IL2RB: variants seen among roughly 807,000 people sequenced by gnomAD.
The protein encoded by IL2RB is interleukin-2 receptor subunit beta.
IL2RB carries 17 observed loss-of-function variants against 44.2 expected under a neutral mutation model. That is an observed-to-expected ratio of 0.38 (90% CI 0.26 to 0.58). The LOEUF is 0.58. Among genes scored for constraint, IL2RB ranks in the 20% least tolerant of loss-of-function variants. The pLI is 0.63. For synonymous variants in IL2RB, 286 were observed against 297.9 expected (o/e 0.96, Z 0.41); for missense variants, 624 against 685.5 (o/e 0.91, Z 1.00).
upstream of IL2RB, among the ~76,000 whole-genome samples, chr22:37,154,617 C>A (rs1017032567): frequency 6.7e-6 from 1 of 148,190 alleles, no homozygotes; most frequent in East Asian, 1.9e-4. Context: ...TGCTCTGTAG[C>A]CAGGCTGGAG....
At chr22:37,170,114 A>C (rs1201750852) in intron 1 of IL2RB, among the ~76,000 whole-genome samples, 5 of 151,836 alleles carry the variant, frequency 3.3e-5, no homozygotes, top group African/African-American at 1.2e-4. Context: ...GGATGGATGG[A>C]TGGATGGATG....
intron 1 of IL2RB, among the ~76,000 whole-genome samples, chr22:37,161,584 C>A (rs991189427): frequency 8.2e-6 from 1 of 121,492 alleles, no homozygotes; most frequent in African/African-American, 3.0e-5. Context: ...AGCTCCAGAC[C>A]TCAGGCGGGG....
At chr22:37,142,601 G>T in intron 3 of IL2RB, 89 bp from the exon 4 acceptor site, 1 of 1,354,256 alleles carries the variant, frequency 7.4e-7, no homozygotes, top group Non-Finnish European at 1.1e-6. Context: ...CTGCTGCCAG[G>T]ATGGCACCAG....
rs769631940 is a variant in IL2RB, at chr22:37,138,987, G to A, written c.388+130C>T. The A allele has an allele frequency of 7.8e-6, 5 of 644,840 alleles. No homozygotes were observed. The East Asian group carries it at 8.3e-5, about 11-fold the overall frequency. 39.9% of individuals were successfully genotyped at this position (644,840 alleles called of 1,614,324 possible). ...CAGGACGTCATCCCGAGAACAGCGG[G>A]CGGTGAGGTGATCAGATGTGGGTGT... On this transcript the variant is annotated intron_variant, in intron 5 of 9. Coordinates refer to ENST00000216223, the MANE Select transcript of IL2RB (RefSeq NM_000878.5).
intron 1 of IL2RB, among the ~76,000 whole-genome samples, chr22:37,147,650 C>T (rs992848318): frequency 7.9e-5 from 12 of 152,234 alleles, no homozygotes; most frequent in African/African-American, 2.4e-4. Flanking sequence ...TGCTGTCCCA[C>T]CCTGCCAGAC....
At chr22:37,129,420 T>G (rs2146225118) in intron 9 of IL2RB, among the ~76,000 whole-genome samples, 1 of 152,270 alleles carries the variant, frequency 6.6e-6, no homozygotes, top group Admixed American at 6.5e-5. Context: ...GATGGTTTCC[T>G]GATTCACCTT....
upstream of IL2RB, among the ~76,000 whole-genome samples, chr22:37,153,785 C>T (rs910130668): frequency 9.9e-5 from 15 of 152,016 alleles, no homozygotes; most frequent in African/African-American, 3.6e-4. Context: ...TATTTCCTGC[C>T]CCCAAATAAA....
chr22:37,132,620 G>A (rs1425318196), intron 8 of IL2RB, 152 bp from the exon 9 acceptor site: 1 of 637,322 alleles, frequency 1.6e-6, no homozygotes. Context: ...CACTGTGGGA[G>A]GACGCTGTGT....
chr22:37,162,287 T>C (rs1163841476), intron 1 of IL2RB, among the ~76,000 whole-genome samples: 2 of 152,166 alleles, frequency 1.3e-5, no homozygotes, highest in Non-Finnish European at 2.9e-5. Flanking sequence ...CTGGTGCCAG[T>C]GTGAGCATTG....
chr22:37,162,410 C>G (rs763013189), intron 1 of IL2RB, among the ~76,000 whole-genome samples: 1 of 152,164 alleles, frequency 6.6e-6, no homozygotes, highest in East Asian at 1.9e-4. Flanking sequence ...CACAGCCCAC[C>G]GACTTGCTGG....
In IL2RB at chr22:37,143,649, T is replaced by A. The variant is rs752285764; in HGVS notation, c.89-14A>T. 9.5e-6 allele frequency: 15 copies of A among 1,585,248 alleles called. No individual in the cohort carries two copies. The highest frequency in any genetic ancestry group is 1.1e-5 in the Non-Finnish European group (13 of 1,154,234). ...ACTGGGAAGTGCCTGCCGGGCAAGA[T>A]GAGGTGTGAGTGCTGACTGTAGGTG... On this transcript the variant is annotated splice_polypyrimidine_tract_variant and intron_variant, in intron 2 of 9. Transcript: ENST00000216223.
chr22:37,160,705 C>A (rs1165402252), intron 1 of IL2RB, among the ~76,000 whole-genome samples: 1 of 112,630 alleles, frequency 8.9e-6, no homozygotes, highest in African/African-American at 4.4e-5. Flanking sequence ...AAAATTTAGC[C>A]GGGCATGGTG....
At chr22:37,151,637 A>C (rs1922490773), upstream of IL2RB, among the ~76,000 whole-genome samples, 1 of 152,176 alleles carries the variant, frequency 6.6e-6, no homozygotes, top group South Asian at 2.1e-4. Flanking sequence ...ATCTTTGCCT[A>C]GTCCCATGTC....
At chr22:37,166,273 C>G (rs1243127870) in intron 1 of IL2RB, among the ~76,000 whole-genome samples, 1 of 152,220 alleles carries the variant, frequency 6.6e-6, no homozygotes, top group Non-Finnish European at 1.5e-5. Flanking sequence ...TCCCCGCCCC[C>G]CCACCTCCTG....
intron 1 of IL2RB, among the ~76,000 whole-genome samples, chr22:37,174,290 C>G (rs1006845780): frequency 6.6e-6 from 1 of 152,128 alleles, no homozygotes; most frequent in South Asian, 2.1e-4. Flanking sequence ...AAAGCCTTGC[C>G]ACTGAATGCT....
chr22:37,137,854 C>G, intron 5 of IL2RB, 119 bp from the exon 6 acceptor site: 1 of 855,680 alleles, frequency 1.2e-6, no homozygotes, highest in East Asian at 2.6e-5. Context: ...GACCCAAAGC[C>G]CCAGGACCCG....
At chr22:37,142,961 G>A (rs1171144190) in intron 3 of IL2RB, among the ~76,000 whole-genome samples, 1 of 151,264 alleles carries the variant, frequency 6.6e-6, no homozygotes, top group Non-Finnish European at 1.5e-5. Flanking sequence ...AATCCACCTG[G>A]GCCCAGCCAC....
chr22:37,150,344 C>A (rs1922434436), upstream of IL2RB, among the ~76,000 whole-genome samples: 1 of 152,160 alleles, frequency 6.6e-6, no homozygotes, highest in African/African-American at 2.4e-5. Flanking sequence ...CTCCTCCCAG[C>A]CTGCAACACA....
intron 1 of IL2RB, among the ~76,000 whole-genome samples, chr22:37,167,940 C>T (rs5756532): frequency 0.88 from 134,469 of 152,248 alleles, 61,351 homozygotes; most frequent in East Asian, 1. Context: ...GCTGAGGTGG[C>T]GTCTGTCCCC....
Sources: gnomAD v4.1 joint callset for allele counts (sites outside exome capture counted in the v4.1 genomes callset) on GRCh38, gnomAD v4.1.1 for gene constraint, MANE v1.5 for transcripts, NCBI Gene and HGNC (gene_info 2026-07-23, HGNC 2026-07-21) for gene names.